OSGEP: variants seen among roughly 807,000 people sequenced by gnomAD.
OSGEP encodes tRNA N6-adenosine threonylcarbamoyltransferase.
A neutral mutation model predicts 44.1 loss-of-function variants in OSGEP; 39 were observed. The observed-to-expected ratio is 0.88, with a 90% CI of 0.69 to 1.16. OSGEP has a LOEUF of 1.16. OSGEP is among the 50% of genes most tolerant of loss of function. The pLI is 0.00. For synonymous variants in OSGEP, 139 were observed against 161.9 expected, an observed-to-expected ratio of 0.86 and a Z score of 1.07; for missense variants, 403 against 443.1, an observed-to-expected ratio of 0.91 and a Z score of 0.81.
At chr14:20,451,668 T>C in intron 3 of OSGEP, 1 of 238,988 alleles carries the variant, frequency 4.2e-6, no homozygotes, top group Non-Finnish European at 8.0e-6. Flanking sequence ...TGCAAGAGCT[T>C]TCAGATATTC....
chr14:20,447,619 C>T lies in OSGEP; in HGVS notation c.865G>A (p.Glu289Lys), dbSNP rs774489327. ...CCAAAGGGAAAGTGTCTTTACCTCT[C>T]ATCTGTAGCAAAAAGCCGGGCTCCA... Reference protein sequence around the residue: ...ERGARLFATDERFCIDNGAMI... With the variant: ...ERGARLFATDKRFCIDNGAMI... Residue 289 changes from glutamate (E) to lysine (K), a missense_variant, in exon 9 of 11, where the codon GAG (glutamate) becomes AAG (lysine). By Grantham distance (56) the Glu-to-Lys change is moderately conservative (BLOSUM62 1). Coordinates refer to ENST00000206542, the MANE Select transcript of OSGEP (RefSeq NM_017807.4). 5.6e-6 allele frequency: 9 copies of T among 1,613,694 alleles called. No individual in the cohort carries two copies. The highest frequency in any genetic ancestry group is 6.8e-6 in the Non-Finnish European group (8 of 1,179,718).
intron 3 of OSGEP, chr14:20,451,466 A>T (rs1025904497): frequency 6.7e-5 from 11 of 163,418 alleles, no homozygotes; most frequent in African/African-American, 9.7e-5. Context: ...CCACCACATC[A>T]AATTAATTTT....
rs1478426756 is a variant in OSGEP at position 20,446,937 on chromosome 14, G to A, written c.*303C>T. ...AGCCTGGGAAACACAGCAAGATTCC[G>A]TTTCTTAAAAAAAAAAAAAAAGATA... is the stretch of plus-strand genomic sequence containing the variant. On this transcript the variant is annotated 3_prime_UTR_variant, in exon 11 of 11. Transcript: ENST00000206542. 7 of 318,668 alleles carry A rather than the reference G, an allele frequency of 2.2e-5. No homozygotes were observed. The South Asian group carries it at 4.2e-4, about 19-fold the overall frequency. 19.7% of individuals were successfully genotyped at this position (318,668 alleles called of 1,614,324 possible).
At chr14:20,448,869 C>A in intron 5 of OSGEP, 58 bp from the exon 6 acceptor site, 1 of 1,590,196 alleles carries the variant, frequency 6.3e-7, no homozygotes. Flanking sequence ...TTCTCACCCT[C>A]CAAAGCCCGT....
chr14:20,448,500 T>A (rs183194363), intron 6 of OSGEP, among the ~76,000 whole-genome samples: 1 of 152,060 alleles, frequency 6.6e-6, no homozygotes, highest in Non-Finnish European at 1.5e-5. Context: ...CTAAGCTCCA[T>A]GTAGACAGGG....
chr14:20,449,283 A>T lies in OSGEP; in HGVS notation c.412-17T>A, dbSNP rs938881. 891,567 of 1,506,126 alleles carry T rather than the reference A, an allele frequency of 0.59. 265,440 individuals are homozygous for T. Among genetic ancestry groups the T allele is most frequent in the Middle Eastern group, 0.64 (3,731 of 5,850 alleles). 93.3% of individuals were successfully genotyped at this position (1,506,126 alleles called of 1,614,324 possible). On this transcript the variant is annotated splice_polypyrimidine_tract_variant and intron_variant, in intron 3 of 10. Transcript: ENST00000206542. ...TGCAATCACCTAAGGGTGATGAGGA[A>T]GTCCATGAAACCCCAAGTCTGTAAA... is the stretch of plus-strand genomic sequence containing the variant.
Position 20,447,680 on chromosome 14 carries a change from C to T in OSGEP, c.804G>A (p.Arg268=), listed in dbSNP as rs1218568256. ...ACATTGTTGCCATCATCTCCTGTAG[C>T]CTCACATTACCTACAAAGAGGCAGG... is the stretch of plus-strand genomic sequence containing the variant. ...LIVGGVGCNV[R]LQEMMATMCQ... is the part of the protein sequence containing the mutation. Residue 268 remains arginine, a synonymous_variant, in exon 9 of 11, where the codon AGG becomes AGA. Coordinates refer to ENST00000206542, the MANE Select transcript of OSGEP (RefSeq NM_017807.4). The T allele has an allele frequency of 1.2e-6, 2 of 1,613,328 alleles. No homozygotes were observed. The highest frequency in any genetic ancestry group is 1.7e-5 in the Admixed American group (1 of 60,004).
At chr14:20,447,380 A>G in intron 10 of OSGEP, 42 bp downstream of exon 10, 1 of 1,604,316 alleles carries the variant, frequency 6.2e-7, no homozygotes, top group Non-Finnish European at 8.5e-7. Flanking sequence ...GTTTTTGTCT[A>G]TGTCCCAATA....
rs74963786 is a variant in OSGEP, at chr14:20,451,934, C to T, written c.411+40G>A. ...AACAAAGAAAATACTGGTTCAGTGC[C>T]TCAGAAATTGAGATGGAGTGGGTAG... On this transcript the variant is annotated intron_variant, in intron 3 of 10. Coordinates refer to ENST00000206542, the MANE Select transcript of OSGEP (RefSeq NM_017807.4). The T allele has an allele frequency of 5.5e-5, 82 of 1,488,068 alleles. No homozygotes were observed. The East Asian group carries it at 1.6e-3, about 30-fold the overall frequency. 92.2% of individuals were successfully genotyped at this position (1,488,068 alleles called of 1,614,324 possible). A position where few individuals can be genotyped will look rare whatever the true frequency, so the allele number is the denominator to read the frequency against.
chr14:20,454,684 G>T lies in OSGEP; in HGVS notation c.-1C>A, dbSNP rs1343683680. 1.2e-6 allele frequency: 2 copies of T among 1,610,542 alleles called. No homozygotes were observed. Among genetic ancestry groups the T allele is most frequent in the Non-Finnish European group, 1.7e-6 (2 of 1,177,152 alleles). ...CTTCAAAACCCAGCACCGCCGGCAT[G>T]GCGGAGGCTGGGAGAAAACGCCGAC... On this transcript the variant is annotated 5_prime_UTR_variant, in exon 1 of 11. Coordinates refer to ENST00000206542, the MANE Select transcript of OSGEP (RefSeq NM_017807.4).
rs894016902 is a variant in OSGEP at position 20,454,744 on chromosome 14, C to A, written c.-61G>T. The A allele has an allele frequency of 1.6e-6, 2 of 1,239,896 alleles. No individual in the cohort carries two copies. Among genetic ancestry groups the A allele is most frequent in the African/African-American group, 3.0e-5 (2 of 66,878 alleles). The allele number at this position is 1,239,896 out of a possible 1,614,324, so 76.8% of individuals were successfully genotyped here. A position where few individuals can be genotyped will look rare whatever the true frequency, so the allele number is the denominator to read the frequency against. On this transcript the variant is annotated 5_prime_UTR_variant, in exon 1 of 11. In the 5' UTR this introduces an upstream ATG that the reference lacks. Coordinates refer to ENST00000206542, the MANE Select transcript of OSGEP (RefSeq NM_017807.4). ...GGCAATGTCAGGAGCTGTGGAGGTC[C>A]TCACTAGTCCGCGCTGGGCCGCAGC...
chr14:20,451,135 A>AATTTTATTATTT (rs1881085422), intron 3 of OSGEP: 2 of 154,768 alleles, frequency 1.3e-5, no homozygotes, highest in African/African-American at 4.8e-5. Context: ...TAAATAAGAT[A>AATTTTATTATTT]AAATAAAATA....
chr14:20,447,922 T>G lies in OSGEP; in HGVS notation c.775A>C (p.Ile259Leu), dbSNP rs1381100362. The G allele has an allele frequency of 5.6e-6, 9 of 1,611,530 alleles. No individual in the cohort carries two copies. The highest frequency in any genetic ancestry group is 7.6e-6 in the Non-Finnish European group (9 of 1,177,696). The change falls in exon 8 of 11, where the codon ATT becomes CTT. Residue 259 changes from isoleucine (I) to leucine (L), a missense_variant. Transcript: ENST00000206542. ...TACATACACCCCACTCCTCCCACAA[T>G]GAGGGCCTCCTGGGAGCCACAATGT... is the stretch of plus-strand genomic sequence containing the variant. The part of the protein sequence containing the change: ...MAHCGSQEAL[I>L]VGGVGCNVRL...
In OSGEP at chr14:20,447,595, CA is replaced by C; in HGVS notation, c.869+19del. ...ATAACAGGAGAAGTAAAAAAGAAAC[CA>C]AAGGGAAAGTGTCTTTACCTCTCAT... On this transcript the variant is annotated intron_variant, in intron 9 of 10. Coordinates refer to ENST00000206542, the MANE Select transcript of OSGEP (RefSeq NM_017807.4). 1 of 1,612,116 alleles carries C rather than the reference CA, an allele frequency of 6.2e-7. No homozygotes were observed. The highest frequency in any genetic ancestry group is 8.5e-7 in the Non-Finnish European group (1 of 1,178,230).
chr14:20,451,861 G>T, intron 3 of OSGEP, 113 bp downstream of exon 3: 1 of 998,684 alleles, frequency 1.0e-6, no homozygotes, highest in Non-Finnish European at 1.4e-6. Flanking sequence ...AGTATTTTAG[G>T]TTCAGATAAG....
chr14:20,451,667 T>C (rs1881103992), intron 3 of OSGEP: 2 of 237,648 alleles, frequency 8.4e-6, no homozygotes, highest in East Asian at 1.7e-4. Context: ...ATGCAAGAGC[T>C]TTCAGATATT....
Position 20,452,334 on chromosome 14 carries a change from G to T in OSGEP, c.230C>A (p.Thr77Asn). The T allele has an allele frequency of 6.2e-7, 1 of 1,613,752 alleles. No homozygotes were observed. Among genetic ancestry groups the T allele is most frequent in the Non-Finnish European group, 8.5e-7 (1 of 1,179,952 alleles). ...GACCACTCTCCCAGCCATACCCTTG[G>T]TGTATGCAATGCAGTCGATATCCTG... ...TSQDIDCIAY[T>N]KGPGMGAPLV... Residue 77 changes from threonine to asparagine, a missense_variant, in exon 2 of 11, where the codon ACC becomes AAC. Coordinates refer to ENST00000206542, the MANE Select transcript of OSGEP (RefSeq NM_017807.4).
At chr14:20,447,334 C>A in intron 10 of OSGEP, 55 bp from the exon 11 acceptor site, 2 of 1,607,488 alleles carry the variant, frequency 1.2e-6, no homozygotes, top group African/African-American at 1.3e-5. Flanking sequence ...ATCCTTCATT[C>A]TTCTCTGCCC....
At position 20,449,232 on chromosome 14, in the gene OSGEP, A is replaced by C. The variant is rs1259630886; in HGVS notation, c.446T>G (p.Phe149Cys). The C allele has an allele frequency of 6.2e-7, 1 of 1,612,880 alleles. No homozygotes were observed. Among genetic ancestry groups the C allele is most frequent in the East Asian group, 2.2e-5 (1 of 44,886 alleles). ...CACTGCAATATCGATGGTTTCCCCAAAGATACGGTAACGATGTTCCGAGTA... is the reference window on the plus strand; with the variant it reads ...CACTGCAATATCGATGGTTTCCCCACAGATACGGTAACGATGTTCCGAGTA... ...IAYSEHRYRI[F>C]GETIDIAVGN... The change falls in exon 4 of 11, where the codon TTT becomes TGT. Residue 149 changes from phenylalanine to cysteine, a missense_variant. Transcript: ENST00000206542.
Sources: gnomAD v4.1 joint callset for allele counts (sites outside exome capture counted in the v4.1 genomes callset) on GRCh38, gnomAD v4.1.1 for gene constraint, MANE v1.5 for transcripts, NCBI Gene and HGNC (gene_info 2026-07-23, HGNC 2026-07-21) for gene names.